Variants in OSMR observed in about 807,000 individuals in gnomAD.
The protein encoded by OSMR is oncostatin-M-specific receptor subunit beta.
OSMR carries 81 observed loss-of-function variants against 99.9 expected under a neutral mutation model. That is an observed-to-expected ratio of 0.81 (90% CI 0.68 to 0.97). OSMR has a LOEUF of 0.97. Among genes scored for constraint, OSMR ranks in the 50% least tolerant of loss-of-function variants. The pLI is 0.00. For missense variants in OSMR, 1,099 were observed against 1,153.4 expected, an observed-to-expected ratio of 0.95 and a Z score of 0.68; for synonymous variants, 406 against 410.4, an observed-to-expected ratio of 0.99 and a Z score of 0.13.
rs1356357848 is a variant in OSMR at position 38,925,290 on chromosome 5, G to T, written c.2131G>T (p.Glu711Ter). 6.2e-7 allele frequency: 1 copy of T among 1,613,940 alleles called. No individual in the cohort carries two copies. The highest frequency in any genetic ancestry group is 8.5e-7 in the Non-Finnish European group (1 of 1,180,012). Residue 711 changes from glutamate to a stop codon, truncating the protein, a stop_gained, in exon 15 of 18, where the codon GAG becomes TAG. Transcript: ENST00000274276. LOFTEE classifies it high-confidence loss of function. ...VDNLKPESFY[E>*]FFITPFTSAG... ...CAACCTAAAGCCAGAATCCTTCTAT[G>T]AGTTTTTCATCACTCCATTCACTAG...
intron 1 of OSMR, among the ~76,000 whole-genome samples, chr5:38,849,272 TGATA>T (rs1301217455): frequency 6.6e-6 from 1 of 152,198 alleles, no homozygotes; most frequent in African/African-American, 2.4e-5. Context: ...TTTTTCCACT[TGATA>T]GATACGAAGT....
At chr5:38,874,598 C>T (rs888456755) in intron 2 of OSMR, among the ~76,000 whole-genome samples, 2 of 152,162 alleles carry the variant, frequency 1.3e-5, no homozygotes, top group South Asian at 4.1e-4. Flanking sequence ...CCATGCAGAG[C>T]CCCATCCTGT....
At chr5:38,874,991 A>AT (rs1232412096) in intron 2 of OSMR, among the ~76,000 whole-genome samples, 1 of 152,176 alleles carries the variant, frequency 6.6e-6, no homozygotes, top group Non-Finnish European at 1.5e-5. Context: ...ATTTGGGGAC[A>AT]TTTTTTCAGT....
intron 9 of OSMR, among the ~76,000 whole-genome samples, chr5:38,912,792 C>T (rs1173544633): frequency 1.3e-5 from 2 of 152,074 alleles, no homozygotes; most frequent in Non-Finnish European, 2.9e-5. Flanking sequence ...GCCATCTGAT[C>T]TTCTACAAAG....
At chr5:38,927,061 T>C (rs1182007922) in intron 15 of OSMR, among the ~76,000 whole-genome samples, 1 of 152,248 alleles carries the variant, frequency 6.6e-6, no homozygotes, top group African/African-American at 2.4e-5. Flanking sequence ...TTTGACTCCA[T>C]GTCTCACATT....
intron 12 of OSMR, 42 bp downstream of exon 12, chr5:38,921,836 T>C: frequency 2.6e-6 from 4 of 1,522,736 alleles, no homozygotes; most frequent in Non-Finnish European, 3.6e-6. Flanking sequence ...TATATTCACC[T>C]TGAAGAAAGT....
In OSMR at chr5:38,885,455, A is replaced by G. The variant is rs1743639914; in HGVS notation, c.810A>G (p.Gln270=). ...ACACTGCCTTGGGGTGGTCTAAACA[A>G]CCTTCCCAAAGCTACACTTTATTTG... The part of the protein sequence containing the change: ...GTDTALGWSK[Q]PSQSYTLFES... The change falls in exon 6 of 18, where the codon CAA becomes CAG. Residue 270 remains glutamine (Q), a synonymous_variant. Transcript: ENST00000274276. The G allele has an allele frequency of 3.1e-6, 5 of 1,613,958 alleles. No individual in the cohort carries two copies. The highest frequency in any genetic ancestry group is 4.2e-6 in the Non-Finnish European group (5 of 1,179,912).
At chr5:38,865,318 G>C (rs969961724) in intron 1 of OSMR, among the ~76,000 whole-genome samples, 5 of 151,992 alleles carry the variant, frequency 3.3e-5, no homozygotes, top group African/African-American at 1.2e-4. Context: ...CATGTTTCTT[G>C]TGTCCTTACA....
intron 3 of OSMR, among the ~76,000 whole-genome samples, chr5:38,876,881 G>T (rs1367741716): frequency 6.6e-6 from 1 of 152,202 alleles, no homozygotes; most frequent in Non-Finnish European, 1.5e-5. Context: ...GTAACTTCCT[G>T]TGTCCTTTGT....
At chr5:38,924,620 A>T (rs1425519493) in intron 14 of OSMR, 25 bp downstream of exon 14, 1 of 1,529,226 alleles carries the variant, frequency 6.5e-7, no homozygotes, top group Non-Finnish European at 9.1e-7. Context: ...TAATTTGTTT[A>T]TTTATTCTTT....
intron 1 of OSMR, among the ~76,000 whole-genome samples, chr5:38,850,416 T>C (rs1031421910): frequency 1.3e-5 from 2 of 152,224 alleles, no homozygotes; most frequent in African/African-American, 4.8e-5. Context: ...CTCTCTTCCT[T>C]TATTTTTGTT....
chr5:38,893,735 C>A (rs1007549903), intron 7 of OSMR, among the ~76,000 whole-genome samples: 1 of 152,142 alleles, frequency 6.6e-6, no homozygotes, highest in African/African-American at 2.4e-5. Flanking sequence ...AAAAAGTAAT[C>A]AATCTGGGAA....
chr5:38,862,302 C>A (rs550945690), intron 1 of OSMR, among the ~76,000 whole-genome samples: 2 of 98,502 alleles, frequency 2.0e-5, no homozygotes, highest in Admixed American at 1.8e-4. Context: ...GCTGACCCCC[C>A]CACCTCCCTC....
At chr5:38,875,370 TTC>T in intron 2 of OSMR, among the ~76,000 whole-genome samples, 1 of 152,328 alleles carries the variant, frequency 6.6e-6, no homozygotes, top group South Asian at 2.1e-4. Context: ...TCAGGACACA[TTC>T]TCTCTCTAGT....
chr5:38,862,187 G>A (rs1411640301), intron 1 of OSMR, among the ~76,000 whole-genome samples: 1 of 128,720 alleles, frequency 7.8e-6, no homozygotes, highest in Admixed American at 7.2e-5. Flanking sequence ...TCCCAGTAGG[G>A]GCGGCCGGGC....
chr5:38,863,488 G>T (rs575141720), intron 1 of OSMR, among the ~76,000 whole-genome samples: 55 of 152,244 alleles, frequency 3.6e-4, no homozygotes, highest in African/African-American at 1.2e-3. Flanking sequence ...AGTGAGCTGA[G>T]ATCGCGCCAC....
At chr5:38,852,764 T>C (rs1182228722) in intron 1 of OSMR, among the ~76,000 whole-genome samples, 2 of 127,520 alleles carry the variant, frequency 1.6e-5, no homozygotes, top group South Asian at 2.8e-4. Context: ...GGAGTCTCAC[T>C]CTTTCGCCCA....
chr5:38,903,385 A>G (rs1352097919), intron 7 of OSMR, among the ~76,000 whole-genome samples: 1 of 152,240 alleles, frequency 6.6e-6, no homozygotes, highest in Non-Finnish European at 1.5e-5. Flanking sequence ...TATCGTGACA[A>G]CACATGACTC....
intron 1 of OSMR, among the ~76,000 whole-genome samples, chr5:38,866,238 G>A (rs1741932939): frequency 6.6e-6 from 1 of 152,180 alleles, no homozygotes; most frequent in Admixed American, 6.5e-5. Context: ...GTGCATGAAT[G>A]CTAGCTGTGG....
Sources: gnomAD v4.1 joint callset for allele counts (sites outside exome capture counted in the v4.1 genomes callset) on GRCh38, gnomAD v4.1.1 for gene constraint, MANE v1.5 for transcripts, NCBI Gene and HGNC (gene_info 2026-07-23, HGNC 2026-07-21) for gene names.